SAMHD1: variants seen among roughly 807,000 people sequenced by gnomAD.
The protein encoded by SAMHD1 is deoxynucleoside triphosphate triphosphohydrolase SAMHD1.
A neutral mutation model predicts 79.6 loss-of-function variants in SAMHD1; 54 were observed. The observed-to-expected ratio is 0.68, with a 90% CI of 0.55 to 0.85. The LOEUF (loss-of-function observed/expected upper bound fraction) is 0.85, where lower values mean the gene tolerates loss of function less well. SAMHD1 is among the 40% of genes least tolerant of loss of function. SAMHD1 has a pLI of 0.00. For synonymous variants in SAMHD1, 260 were observed against 264.1 expected (o/e 0.98, Z 0.15); for missense variants, 663 against 782.7 (o/e 0.85, Z 1.82).
At position 36,939,418 on chromosome 20, in the gene SAMHD1, C is replaced by A. The variant is rs548306730; in HGVS notation, c.348+1621G>T. On this transcript the variant is annotated intron_variant, in intron 3 of 15. Transcript: ENST00000646673. ...GACCAGCCTGACCAATATGGCGGAACCCTGTCTTTACTAAAAAAAATACAA... is the reference window on the plus strand; with the variant it reads ...GACCAGCCTGACCAATATGGCGGAAACCTGTCTTTACTAAAAAAAATACAA... Among the ~76,000 whole-genome samples, 287 of 151,868 alleles carry A rather than the reference C, an allele frequency of 1.9e-3. 1 individual carries two copies. The highest frequency in any genetic ancestry group is 6.4e-3 in the African/African-American group (267 of 41,424).
intron 6 of SAMHD1, among the ~76,000 whole-genome samples, chr20:36,925,076 A>C (rs1175355024): frequency 6.6e-6 from 1 of 151,646 alleles, no homozygotes; most frequent in Non-Finnish European, 1.5e-5. Flanking sequence ...GACTCGCTTG[A>C]ACCCAGGAGG....
intron 6 of SAMHD1, among the ~76,000 whole-genome samples, chr20:36,925,896 G>C (rs973220943): frequency 1.3e-5 from 2 of 152,060 alleles, no homozygotes; most frequent in Non-Finnish European, 2.9e-5. Context: ...AACCGCATTG[G>C]AAAACTCTGG....
chr20:36,931,199 C>A (rs2063565956), intron 4 of SAMHD1: 6 of 378,330 alleles, frequency 1.6e-5, no homozygotes, highest in Admixed American at 3.8e-5. Flanking sequence ...AAGTTGGAAG[C>A]CTGTGCACTG....
At chr20:36,928,780 G>A (rs2063551241) in intron 5 of SAMHD1, among the ~76,000 whole-genome samples, 1 of 151,858 alleles carries the variant, frequency 6.6e-6, no homozygotes, top group Non-Finnish European at 1.5e-5. Flanking sequence ...TCTTTGGCCG[G>A]GTGTGGTGGC....
At position 36,912,541 on chromosome 20, in the gene SAMHD1, A is replaced by C; in HGVS notation, c.1074T>G (p.Asn358Lys). ...RICARDKEVG[N>K]LYDMFHTRNS... ...TGCGAGTGTGGAACATGTCATACAG[A>C]TTTCCAACTTCCTGCAGGAAAACAT... The change falls in exon 10 of 16, where the codon AAT becomes AAG. Residue 358 changes from asparagine to lysine, a missense_variant. Physicochemically the swap from Asn to Lys is moderately conservative, Grantham distance 94 (BLOSUM62 0). Coordinates refer to ENST00000646673, the MANE Select transcript of SAMHD1 (RefSeq NM_015474.4). 1 of 1,610,866 alleles carries C rather than the reference A, an allele frequency of 6.2e-7. No individual in the cohort carries two copies. Among genetic ancestry groups the C allele is most frequent in the Non-Finnish European group, 8.5e-7 (1 of 1,177,268 alleles).
intron 13 of SAMHD1, among the ~76,000 whole-genome samples, chr20:36,901,315 C>T (rs1281204389): frequency 6.6e-6 from 1 of 152,178 alleles, no homozygotes; most frequent in African/African-American, 2.4e-5. Flanking sequence ...CAGGCATGCA[C>T]CACCACACCT....
rs755691776 is a variant in SAMHD1 at position 36,951,676 on chromosome 20, A to C, written c.-33T>G. ...CCTGGCGTCCGGCACAGCAGTCAAG[A>C]ACCTCGGCGCCGGACCCGCGCGCAG... On this transcript the variant is annotated 5_prime_UTR_variant, in exon 1 of 16. Transcript: ENST00000646673. 2.2e-5 allele frequency: 35 copies of C among 1,610,874 alleles called. No individual in the cohort carries two copies. The highest frequency in any genetic ancestry group is 6.7e-5 in the Admixed American group (4 of 59,998).
At chr20:36,895,775 C>A (rs951853507) in intron 15 of SAMHD1, among the ~76,000 whole-genome samples, 1 of 152,024 alleles carries the variant, frequency 6.6e-6, no homozygotes, top group South Asian at 2.1e-4. Context: ...TTTCACAGTA[C>A]CTAGGACAGA....
chr20:36,894,841 T>G (rs1458755324), intron 15 of SAMHD1, among the ~76,000 whole-genome samples: 1 of 151,934 alleles, frequency 6.6e-6, no homozygotes, highest in African/African-American at 2.4e-5. Context: ...TTATTTGTCT[T>G]TAAACTCATC....
chr20:36,895,289 C>T (rs961423347), intron 15 of SAMHD1, among the ~76,000 whole-genome samples: 1 of 151,848 alleles, frequency 6.6e-6, no homozygotes, highest in African/African-American at 2.4e-5. Flanking sequence ...CCTACCACCA[C>T]CTCCTGCTGC....
chr20:36,950,158 A>G (rs1026468816), intron 1 of SAMHD1, among the ~76,000 whole-genome samples: 3 of 152,172 alleles, frequency 2.0e-5, no homozygotes, highest in Admixed American at 1.3e-4. Flanking sequence ...TTTAAGGAAC[A>G]CACATCATTC....
chr20:36,927,054 A>C (rs2063540899), intron 6 of SAMHD1, 128 bp downstream of exon 6: 3 of 795,138 alleles, frequency 3.8e-6, no homozygotes, highest in Non-Finnish European at 6.4e-6. Context: ...ATGTGAATGA[A>C]AGCACCCTGG....
At chr20:36,944,239 T>A (rs544741823) in intron 2 of SAMHD1, among the ~76,000 whole-genome samples, 1 of 149,432 alleles carries the variant, frequency 6.7e-6, no homozygotes, top group African/African-American at 2.5e-5. Flanking sequence ...CCCAGCTACT[T>A]AGGAGGCTGA....
At position 36,892,902 on chromosome 20, in the gene SAMHD1, G is replaced by A. The variant is rs1163096869; in HGVS notation, c.*30C>T. 1 of 1,613,366 alleles carries A rather than the reference G, an allele frequency of 6.2e-7. No individual in the cohort carries two copies. Among genetic ancestry groups the A allele is most frequent in the African/African-American group, 1.3e-5 (1 of 74,844 alleles). On this transcript the variant is annotated 3_prime_UTR_variant, in exon 16 of 16. Coordinates refer to ENST00000646673, the MANE Select transcript of SAMHD1 (RefSeq NM_015474.4). ...GCCTCTAAATGAATTGTGCAGGAGA[G>A]GGAGTTTGTAAACAACTGACTACAG...
chr20:36,904,491 G>T (rs1188817534), intron 12 of SAMHD1: 2 of 446,076 alleles, frequency 4.5e-6, no homozygotes, highest in African/African-American at 4.0e-5. Flanking sequence ...GGCCCAGGTG[G>T]GCGGATCATG....
intron 7 of SAMHD1, among the ~76,000 whole-genome samples, chr20:36,918,690 T>C (rs2063488758): frequency 6.7e-6 from 1 of 149,222 alleles, no homozygotes; most frequent in African/African-American, 2.5e-5. Flanking sequence ...TAATCCCAGC[T>C]ACTCAGGAGG....
chr20:36,930,523 T>C (rs549076926), intron 5 of SAMHD1, among the ~76,000 whole-genome samples: 6 of 151,790 alleles, frequency 4.0e-5, no homozygotes, highest in Non-Finnish European at 8.8e-5. Context: ...AAAAAACCAC[T>C]TTAGCAAAGA....
chr20:36,948,899 A>G (rs781623147), intron 1 of SAMHD1, among the ~76,000 whole-genome samples: 5 of 7,394 alleles, frequency 6.8e-4, no homozygotes, highest in Admixed American at 1.8e-3. Flanking sequence ...AAAAAAGAAA[A>G]GAAAAGAAGA....
Position 36,929,056 on chromosome 20 carries a change from G to GA in SAMHD1, c.625+1703dup, listed in dbSNP as rs773907363. Among the ~76,000 whole-genome samples the GA allele has an allele frequency of 6.2e-3, 765 of 123,316 alleles. 6 individuals carry two copies. Among genetic ancestry groups the GA allele is most frequent in the African/African-American group, 0.016 (537 of 33,146 alleles). The allele number at this position is 123,316 out of a possible 152,430, so 80.9% of individuals were successfully genotyped here. The stretch of plus-strand genomic sequence containing the variant: ...TGGGCAACAGAGCGAGACTCCATCT[G>GA]AAAAAAAAAAAAAAAGAAGTGAGCC... On this transcript the variant is annotated intron_variant, in intron 5 of 15. Coordinates refer to ENST00000646673, the MANE Select transcript of SAMHD1 (RefSeq NM_015474.4).
Sources: allele counts gnomAD v4.1 joint callset (sites outside exome capture counted in the v4.1 genomes callset), GRCh38; gene constraint gnomAD v4.1.1; transcripts MANE v1.5; gene names NCBI Gene and HGNC (gene_info 2026-07-23, HGNC 2026-07-21).